The following DLC1 variants were observed in gnomAD, a reference collection of about 807,000 sequenced individuals.
The protein encoded by DLC1 is rho GTPase-activating protein 7.
DLC1 carries 54 observed loss-of-function variants against 140.3 expected under a neutral mutation model. The ratio of observed to expected loss-of-function variants is 0.38; its 90% CI spans 0.31 to 0.48. The LOEUF is 0.48. DLC1 is among the 20% of genes least tolerant of loss of function. The pLI, the probability that DLC1 is intolerant of heterozygous loss-of-function variation, is 0.96. For missense variants in DLC1, 2,536 were observed against 1,907.0 expected (o/e 1.33, Z -6.14); for synonymous variants, 986 against 728.1 (o/e 1.35, Z -5.70).
At position 13,592,752 on chromosome 8, in the gene DLC1, G is replaced by C. The variant is rs144525573; in HGVS notation, c.-126+11785C>G. Among the ~76,000 whole-genome samples the C allele has an allele frequency of 5.3e-5, 8 of 152,240 alleles. No homozygotes were observed. The East Asian group carries it at 1.5e-3, about 29-fold the overall frequency. ...TTCAGCAGAGGACACTACTGCCCAAGCCAACAGTTTCTTTCTGGTGCAGTT... is the reference window on the plus strand; with the variant it reads ...TTCAGCAGAGGACACTACTGCCCAACCCAACAGTTTCTTTCTGGTGCAGTT... On this transcript the variant is annotated intron_variant, in intron 1 of 1. Coordinates refer to the DLC1 transcript ENST00000631382.
intron 4 of DLC1, among the ~76,000 whole-genome samples, chr8:13,368,789 A>G (rs1191223772): frequency 6.6e-6 from 1 of 152,148 alleles, no homozygotes; most frequent in African/African-American, 2.4e-5. Context: ...TATGGATGTT[A>G]GTGATGTTCT....
chr8:13,319,775 C>CT (rs1175270710), intron 4 of DLC1, among the ~76,000 whole-genome samples: 4 of 146,748 alleles, frequency 2.7e-5, no homozygotes, highest in African/African-American at 1.0e-4. Context: ...AATACACCAA[C>CT]TTTTTTCAGT....
chr8:13,148,906 C>A (rs1335470951), intron 5 of DLC1, among the ~76,000 whole-genome samples: 4 of 152,148 alleles, frequency 2.6e-5, no homozygotes, highest in Admixed American at 2.6e-4. Flanking sequence ...CATTCTCCAG[C>A]CTCAGCCTGC....
intron 5 of DLC1, among the ~76,000 whole-genome samples, chr8:13,228,127 C>T (rs1828878712): frequency 6.6e-6 from 1 of 152,040 alleles, no homozygotes; most frequent in South Asian, 2.1e-4. Flanking sequence ...ATTGTTGGAA[C>T]AAAACTCAAG....
chr8:13,301,816 C>T (rs1832205755), intron 5 of DLC1, among the ~76,000 whole-genome samples: 1 of 152,106 alleles, frequency 6.6e-6, no homozygotes, highest in Non-Finnish European at 1.5e-5. Context: ...AAGCATGAAC[C>T]CTGTTGTGAA....
intron 1 of DLC1, among the ~76,000 whole-genome samples, chr8:13,547,202 T>C (rs1411933692): frequency 6.6e-6 from 1 of 152,100 alleles, no homozygotes; most frequent in African/African-American, 2.4e-5. Context: ...GAACTCATAA[T>C]AAACAACTGA....
At chr8:13,187,451 A>G (rs907434621) in intron 5 of DLC1, among the ~76,000 whole-genome samples, 13 of 152,170 alleles carry the variant, frequency 8.5e-5, no homozygotes, top group Non-Finnish European at 4.4e-5. Flanking sequence ...TTCAGATTTT[A>G]GTATGGTATC....
At chr8:13,550,563 G>A (rs956535895) in intron 1 of DLC1, among the ~76,000 whole-genome samples, 1 of 152,060 alleles carries the variant, frequency 6.6e-6, no homozygotes, top group Non-Finnish European at 1.5e-5. Context: ...TATATACGGA[G>A]GCATATGGTT....
chr8:13,547,083 G>T (rs575042093), intron 1 of DLC1, among the ~76,000 whole-genome samples: 1 of 152,104 alleles, frequency 6.6e-6, no homozygotes, highest in Admixed American at 6.6e-5. Context: ...TGATTTAAAT[G>T]ATGTGGAAAA....
chr8:13,513,343 T>A (rs1296665563), intron 1 of DLC1, among the ~76,000 whole-genome samples: 1 of 152,172 alleles, frequency 6.6e-6, no homozygotes, highest in East Asian at 1.9e-4. Flanking sequence ...TAGATTCTTT[T>A]TCTCATATTT....
At chr8:13,426,176 C>G (rs1838575446) in intron 2 of DLC1, among the ~76,000 whole-genome samples, 1 of 151,142 alleles carries the variant, frequency 6.6e-6, no homozygotes, top group Non-Finnish European at 1.5e-5. Flanking sequence ...GAAAAGATGT[C>G]CATGCTTAAT....
chr8:13,100,105 G>A lies in DLC1; in HGVS notation c.2232C>T (p.Ser744=). ...VSNSTQTSSS[S]SQSETSSAVS... is the part of the protein sequence containing the mutation. Reference sequence around the variant, plus strand: ...CCGCGCTGCTGGTCTCCGACTGGCTGCTGCTGCTGCTGGTCTGCGTGGAGT... The same window carrying A: ...CCGCGCTGCTGGTCTCCGACTGGCTACTGCTGCTGCTGGTCTGCGTGGAGT... Residue 744 remains serine (S), a synonymous_variant, in exon 9 of 18, where the codon AGC becomes AGT. Coordinates refer to ENST00000276297, the MANE Select transcript of DLC1 (RefSeq NM_182643.3). The A allele has an allele frequency of 1.2e-6, 2 of 1,613,790 alleles. No individual in the cohort carries two copies. Among genetic ancestry groups the A allele is most frequent in the Non-Finnish European group, 1.7e-6 (2 of 1,179,952 alleles).
chr8:13,153,771 C>T (rs527430760), intron 5 of DLC1, among the ~76,000 whole-genome samples: 3 of 151,804 alleles, frequency 2.0e-5, no homozygotes, highest in African/African-American at 7.3e-5. Flanking sequence ...GAGGTAGACA[C>T]AGAATGCCGA....
intron 5 of DLC1, among the ~76,000 whole-genome samples, chr8:13,269,577 C>T (rs1233478259): frequency 6.6e-6 from 1 of 151,528 alleles, no homozygotes; most frequent in Non-Finnish European, 1.5e-5. Context: ...TAGCCACAAC[C>T]CTATAGTCCT....
At chr8:13,136,011 A>G (rs1266801515) in intron 5 of DLC1, among the ~76,000 whole-genome samples, 2 of 152,168 alleles carry the variant, frequency 1.3e-5, no homozygotes, top group East Asian at 1.9e-4. Context: ...TCTTTGGTCT[A>G]TTGACACAGC....
chr8:13,336,948 C>T (rs940558718), intron 4 of DLC1, among the ~76,000 whole-genome samples: 3 of 151,900 alleles, frequency 2.0e-5, no homozygotes, highest in African/African-American at 4.8e-5. Flanking sequence ...AAATGACTTA[C>T]TAATAGTTAG....
At chr8:13,194,318 C>T (rs113173990) in intron 5 of DLC1, among the ~76,000 whole-genome samples, 11 of 152,212 alleles carry the variant, frequency 7.2e-5, no homozygotes, top group Middle Eastern at 3.2e-3. Context: ...ACATCAGCCT[C>T]GGAAACTTCC....
At chr8:13,550,555 T>A (rs1017271326) in intron 1 of DLC1, among the ~76,000 whole-genome samples, 1 of 152,118 alleles carries the variant, frequency 6.6e-6, no homozygotes, top group African/African-American at 2.4e-5. Flanking sequence ...TAAAGAAATA[T>A]ATACGGAGGC....
At chr8:13,281,128 G>A (rs1374648505) in intron 5 of DLC1, among the ~76,000 whole-genome samples, 1 of 152,206 alleles carries the variant, frequency 6.6e-6, no homozygotes, top group Non-Finnish European at 1.5e-5. Flanking sequence ...TAGCGTGTAT[G>A]TTATATGCCA....
Sources: gnomAD v4.1 joint callset for allele counts (sites outside exome capture counted in the v4.1 genomes callset) on GRCh38, gnomAD v4.1.1 for gene constraint, MANE v1.5 for transcripts, NCBI Gene and HGNC (gene_info 2026-07-23, HGNC 2026-07-21) for gene names.